The following TM9SF2 variants were observed in gnomAD, a reference collection of about 807,000 sequenced individuals.
TM9SF2 encodes 76 kDa membrane protein.
A neutral mutation model predicts 84.9 loss-of-function variants in TM9SF2; 13 were observed. The observed-to-expected ratio is 0.15, with a 90% confidence interval of 0.10 to 0.24. TM9SF2 has a LOEUF of 0.24. TM9SF2 is among the 10% of genes least tolerant of loss of function. The probability of loss-of-function intolerance (pLI) is 1.00; values close to 1 mark genes in which losing one functional copy is unlikely to be tolerated. For synonymous variants in TM9SF2, 273 were observed against 285.8 expected (o/e 0.96, Z 0.45); for missense variants, 562 against 818.5 (o/e 0.69, Z 3.82).
At chr13:99,543,319 G>C (rs1165071425) in intron 9 of TM9SF2, among the ~76,000 whole-genome samples, 1 of 152,126 alleles carries the variant, frequency 6.6e-6, no homozygotes, top group African/African-American at 2.4e-5. Flanking sequence ...TTTATTGTCT[G>C]CCTTCCCAAT....
At chr13:99,551,939 G>A (rs7987014) in intron 12 of TM9SF2, among the ~76,000 whole-genome samples, 3,771 of 152,232 alleles carry the variant, frequency 0.025, 163 homozygotes, top group African/African-American at 0.086. Flanking sequence ...AAACATGTAA[G>A]GAACTGACTT....
intron 1 of TM9SF2, among the ~76,000 whole-genome samples, chr13:99,502,316 T>G (rs937827150): frequency 2.0e-5 from 3 of 152,238 alleles, no homozygotes; most frequent in Non-Finnish European, 4.4e-5. Context: ...AGGACTTTGA[T>G]ATCTCGCTTC....
chr13:99,508,211 T>G (rs2046096484), intron 1 of TM9SF2, among the ~76,000 whole-genome samples: 1 of 152,196 alleles, frequency 6.6e-6, no homozygotes, highest in Admixed American at 6.5e-5. Context: ...TTTTGCATGC[T>G]TGAAATAACC....
intron 1 of TM9SF2, among the ~76,000 whole-genome samples, chr13:99,508,629 G>A (rs1050751070): frequency 2.0e-5 from 3 of 152,092 alleles, no homozygotes; most frequent in South Asian, 2.1e-4. Context: ...CACGGACATC[G>A]CTCGACTTCT....
intron 3 of TM9SF2, among the ~76,000 whole-genome samples, chr13:99,521,508 A>C (rs2046160012): frequency 6.6e-6 from 1 of 151,958 alleles, no homozygotes; most frequent in Non-Finnish European, 1.5e-5. Context: ...TCGACATTTT[A>C]TTACATGGAG....
intron 11 of TM9SF2, among the ~76,000 whole-genome samples, chr13:99,547,358 T>C (rs1339961475): frequency 6.6e-6 from 1 of 152,228 alleles, no homozygotes; most frequent in Non-Finnish European, 1.5e-5. Flanking sequence ...CTTTTTTTCT[T>C]TAAGCTTTGG....
Position 99,529,613 on chromosome 13 carries a change from C to A in TM9SF2, c.461+19C>A. The A allele has an allele frequency of 6.6e-7, 1 of 1,513,320 alleles. No homozygotes were observed. Among genetic ancestry groups the A allele is most frequent in the South Asian group, 1.3e-5 (1 of 75,386 alleles). 93.7% of individuals were successfully genotyped at this position (1,513,320 alleles called of 1,614,324 possible). A position where few individuals can be genotyped will look rare whatever the true frequency, so the allele number is the denominator to read the frequency against. On this transcript the variant is annotated intron_variant, in intron 4 of 16. Coordinates refer to ENST00000376387, the MANE Select transcript of TM9SF2 (RefSeq NM_004800.3). ...ATCACTGGTAAGGCATGAATATTTT[C>A]GATTTTGGGGTTTATCCTTTCCATA...
chr13:99,506,493 GT>G (rs2046089186), intron 1 of TM9SF2, among the ~76,000 whole-genome samples: 1 of 152,092 alleles, frequency 6.6e-6, no homozygotes, highest in Non-Finnish European at 1.5e-5. Flanking sequence ...TCCAGCAATT[GT>G]TTCTTCTTCT....
At chr13:99,504,559 T>C (rs1381758633) in intron 1 of TM9SF2, among the ~76,000 whole-genome samples, 2 of 152,244 alleles carry the variant, frequency 1.3e-5, no homozygotes, top group Non-Finnish European at 2.9e-5. Flanking sequence ...GTTTGTCTCA[T>C]GCATTTAGCT....
At chr13:99,528,244 G>GAAGAA (rs2046192543) in intron 3 of TM9SF2, among the ~76,000 whole-genome samples, 1 of 152,320 alleles carries the variant, frequency 6.6e-6, no homozygotes, top group Admixed American at 6.5e-5. Context: ...GTGTTGTGCT[G>GAAGAA]AAGAGCATGT....
At chr13:99,524,789 C>A (rs7983410) in intron 3 of TM9SF2, among the ~76,000 whole-genome samples, 3,752 of 151,964 alleles carry the variant, frequency 0.025, 161 homozygotes, top group African/African-American at 0.086. Flanking sequence ...TCTCGAACTC[C>A]TGACCTTAAG....
chr13:99,554,230 A>G (rs1473243685), intron 13 of TM9SF2, 74 bp from the exon 14 acceptor site: 81 of 1,528,744 alleles, frequency 5.3e-5, no homozygotes, highest in Non-Finnish European at 6.7e-5. Context: ...AAAGCAGGCA[A>G]ATAATCTCGT....
Position 99,543,973 on chromosome 13 carries a change from A to C in TM9SF2, c.1128A>C (p.Leu376Phe). Reference sequence around the variant, plus strand: ...TTCTAGGATCCGGGACACAGATTTTAATTATGACCTTTGTGACTCTATGTA... The same window carrying C: ...TTCTAGGATCCGGGACACAGATTTTCATTATGACCTTTGTGACTCTATGTA... The part of the protein sequence containing the change: ...SVFLGSGTQI[L>F]IMTFVTLFFA... Residue 376 changes from leucine to phenylalanine, a missense_variant, in exon 10 of 17, where the codon TTA (leucine) becomes TTC (phenylalanine). Transcript: ENST00000376387. 6.2e-7 allele frequency: 1 copy of C among 1,614,104 alleles called. No individual in the cohort carries two copies. Among genetic ancestry groups the C allele is most frequent in the Non-Finnish European group, 8.5e-7 (1 of 1,179,996 alleles).
chr13:99,552,076 A>ATC lies in TM9SF2; in HGVS notation c.1329-90_1329-89insCT. The ATC allele has an allele frequency of 4.9e-6, 6 of 1,231,164 alleles. No homozygotes were observed. The South Asian group carries it at 6.1e-5, about 13-fold the overall frequency. The allele number at this position is 1,231,164 out of a possible 1,614,324, so 76.3% of individuals were successfully genotyped here. A position where few individuals can be genotyped will look rare whatever the true frequency, so the allele number is the denominator to read the frequency against. ...AATTCCACTTTCTTTGTATATATAT[A>ATC]TTAGAAACATAGAAGTTGTCATATT... On this transcript the variant is annotated intron_variant, in intron 12 of 16. Coordinates refer to ENST00000376387, the MANE Select transcript of TM9SF2 (RefSeq NM_004800.3).
chr13:99,517,141 C>T (rs9585109), intron 1 of TM9SF2, among the ~76,000 whole-genome samples: 3,770 of 151,990 alleles, frequency 0.025, 164 homozygotes, highest in African/African-American at 0.086. Context: ...TAAGACACAG[C>T]CTTGCTCTGT....
chr13:99,532,549 G>T (rs2046215745), intron 4 of TM9SF2, among the ~76,000 whole-genome samples: 1 of 152,038 alleles, frequency 6.6e-6, no homozygotes, highest in African/African-American at 2.4e-5. Context: ...AATTAGCCAG[G>T]TGTGGTGGCA....
chr13:99,512,452 G>A (rs1215263371), intron 1 of TM9SF2, among the ~76,000 whole-genome samples: 1 of 152,046 alleles, frequency 6.6e-6, no homozygotes, highest in Non-Finnish European at 1.5e-5. Flanking sequence ...TGACAAATAA[G>A]GTACATTTAA....
At chr13:99,534,492 G>GA (rs199913484) in intron 4 of TM9SF2, among the ~76,000 whole-genome samples, 8 of 151,324 alleles carry the variant, frequency 5.3e-5, no homozygotes, top group East Asian at 3.9e-4. Flanking sequence ...AAAAAGAAAA[G>GA]AAAAAAAAAT....
intron 1 of TM9SF2, among the ~76,000 whole-genome samples, chr13:99,511,349 T>C (rs1180085502): frequency 1.3e-5 from 2 of 152,216 alleles, no homozygotes; most frequent in African/African-American, 4.8e-5. Flanking sequence ...ATGGTTCAGC[T>C]TGAAGCTCTT....
Sources: gnomAD v4.1 joint callset for allele counts (sites outside exome capture counted in the v4.1 genomes callset) on GRCh38, gnomAD v4.1.1 for gene constraint, MANE v1.5 for transcripts, NCBI Gene and HGNC (gene_info 2026-07-23, HGNC 2026-07-21) for gene names.